PPP2R1B: variants seen among roughly 807,000 people sequenced by gnomAD.
The protein encoded by PPP2R1B is protein phosphatase 2 scaffold subunit Abeta.
Under a neutral mutation model 72.7 loss-of-function variants are expected in PPP2R1B, and 58 were observed. The observed-to-expected ratio is 0.80, with a 90% confidence interval of 0.65 to 0.99. The LOEUF is 0.99. PPP2R1B is among the 50% of genes least tolerant of loss of function. PPP2R1B has a pLI of 0.00. For synonymous variants in PPP2R1B, 256 were observed against 264.6 expected (o/e 0.97, Z 0.32); for missense variants, 695 against 733.6 (o/e 0.95, Z 0.61).
rs1944396888 is a variant in PPP2R1B at position 111,738,208 on chromosome 11, G to A, written c.*3388C>T. ...CAGCTGCTAAACCAGGAGAACACTG[G>A]GCAACAGGGCCTCTCCCTCTACAGT... is the stretch of plus-strand genomic sequence containing the variant. On this transcript the variant is annotated 3_prime_UTR_variant, in exon 15 of 15. Coordinates refer to ENST00000527614, the MANE Select transcript of PPP2R1B (RefSeq NM_002716.5). The A allele has an allele frequency of 2.0e-6, 2 of 985,510 alleles. No homozygotes were observed. The highest frequency in any genetic ancestry group is 1.2e-6 in the Non-Finnish European group (1 of 830,128). The allele number at this position is 985,510 out of a possible 1,614,324, so 61.0% of individuals were successfully genotyped here.
At chr11:111,735,848 CA>C (rs1173781531), downstream of PPP2R1B, among the ~76,000 whole-genome samples, 1 of 152,206 alleles carries the variant, frequency 6.6e-6, no homozygotes, top group East Asian at 1.9e-4. Flanking sequence ...TTTCTGGTTG[CA>C]ATTGGATGAC....
intron 9 of PPP2R1B, among the ~76,000 whole-genome samples, chr11:111,753,197 T>C (rs1300889904): frequency 6.6e-6 from 1 of 152,010 alleles, no homozygotes; most frequent in Admixed American, 6.6e-5. Flanking sequence ...AACCAGGGAG[T>C]ATAAAGCAAA....
At chr11:111,701,308 A>G in the PPP2R1B span, 1 of 1,181,022 alleles carries the variant, frequency 8.5e-7, no homozygotes, top group Non-Finnish European at 1.2e-6. This position sits in a 1 kb window ranked among gnomAD's most constrained non-coding sequence, Gnocchi z 4.2. Context: ...AGGGTTTTGG[A>G]TTTTTTTCAA....
the PPP2R1B span, among the ~76,000 whole-genome samples, chr11:111,689,870 G>A: frequency 6.6e-6 from 1 of 151,850 alleles, no homozygotes; most frequent in Non-Finnish European, 1.5e-5. Context: ...TACAGGATAT[G>A]TAATGGATTT....
chr11:111,691,917 A>G, the PPP2R1B span, among the ~76,000 whole-genome samples: 1 of 152,238 alleles, frequency 6.6e-6, no homozygotes, highest in African/African-American at 2.4e-5. Flanking sequence ...TTAATATAAC[A>G]CAAAAAGATC....
Position 111,755,160 on chromosome 11 carries a change from T to C in PPP2R1B, c.844-66A>G, listed in dbSNP as rs950311253. The C allele has an allele frequency of 3.0e-5, 46 of 1,538,764 alleles. No individual in the cohort carries two copies. The Admixed American group carries it at 4.1e-4, about 14-fold the overall frequency. On this transcript the variant is annotated intron_variant, in intron 6 of 14. Transcript: ENST00000527614. ...AAGAATTAACAAGAACAAAACAAAA[T>C]TGTGCAATCTGTAAATACATATTTT...
chr11:111,754,622 C>T, intron 7 of PPP2R1B, 53 bp from the exon 8 acceptor site: 1 of 1,567,768 alleles, frequency 6.4e-7, no homozygotes, highest in Non-Finnish European at 8.6e-7. Context: ...TTACAAAGAG[C>T]CAAATGAGGA....
the PPP2R1B span, among the ~76,000 whole-genome samples, chr11:111,696,517 G>C: frequency 6.6e-6 from 1 of 152,156 alleles, no homozygotes; most frequent in Admixed American, 6.5e-5. Context: ...ATAATAGCAA[G>C]CAGAATGTCT....
intron 15 of PPP2R1B, among the ~76,000 whole-genome samples, chr11:111,732,298 GAC>G (rs1336434277): frequency 1.1e-4 from 16 of 152,208 alleles, no homozygotes; most frequent in African/African-American, 3.9e-4. Flanking sequence ...CAGAACTTCG[GAC>G]ACAGAATTTC....
chr11:111,695,102 A>G, the PPP2R1B span, among the ~76,000 whole-genome samples: 2 of 152,174 alleles, frequency 1.3e-5, no homozygotes, highest in African/African-American at 4.8e-5. Flanking sequence ...CTTCATCTCT[A>G]TCACTCTCCA....
In PPP2R1B at chr11:111,740,528, T is replaced by C. The variant is rs1380424769; in HGVS notation, c.*1068A>G. 1.5e-5 allele frequency: 15 copies of C among 985,158 alleles called. No individual in the cohort carries two copies. Among genetic ancestry groups the C allele is most frequent in the Non-Finnish European group, 9.6e-6 (8 of 829,778 alleles). The allele number at this position is 985,158 out of a possible 1,614,324, so 61.0% of individuals were successfully genotyped here. ...GTAGTTCAAATAGGCTTCCTCACTA[T>C]TAATTTGCTTCAGTAAACTCTTCAG... On this transcript the variant is annotated 3_prime_UTR_variant, in exon 15 of 15. Transcript: ENST00000527614.
chr11:111,726,037 ACAT>A (rs1236801893), downstream of PPP2R1B: 1 of 152,254 alleles, frequency 6.6e-6, no homozygotes, highest in Non-Finnish European at 1.5e-5. Context: ...GAAATAAAGA[ACAT>A]CATTTCATTT....
chr11:111,727,114 CCGGTGACA>C (rs1292033173), intron 15 of PPP2R1B: 5 of 1,478,316 alleles, frequency 3.4e-6, no homozygotes, highest in Non-Finnish European at 4.7e-6. Flanking sequence ...TTTCACATTC[CCGGTGACA>C]CTGACCGTCC....
chr11:111,755,057 T>A lies in PPP2R1B; in HGVS notation c.881A>T (p.Asp294Val), dbSNP rs1555049180. Residue 294 changes from aspartate to valine, a missense_variant, in exon 7 of 15, where the codon GAC becomes GTC. Physicochemically the swap from Asp to Val is radical, Grantham distance 152. Coordinates refer to ENST00000527614, the MANE Select transcript of PPP2R1B (RefSeq NM_002716.5). ...TAGGTTCTGAAAGGCGGGGATGAGG[T>A]CATTTAGGGTGATTTTAGGACCCAT... ...KAMGPKITLN[D>V]LIPAFQNLLK... The A allele has an allele frequency of 2.5e-6, 4 of 1,613,904 alleles. No individual in the cohort carries two copies. The South Asian group carries it at 3.3e-5, about 13-fold the overall frequency.
Position 111,766,263 on chromosome 11 carries a change from G to A in PPP2R1B, c.99C>T (p.Arg33=). 2 of 1,613,932 alleles carry A rather than the reference G, an allele frequency of 1.2e-6. No homozygotes were observed. The highest frequency in any genetic ancestry group is 1.3e-5 in the African/African-American group (1 of 75,038). ...AGTCCAGTACCTGCACGTCTTCATT[G>A]CGGAGCTCGTCGATTAAAACCGCGA... The part of the protein sequence containing the change: ...YPIAVLIDEL[R]NEDVQLRLNS... The change falls in exon 1 of 15, where the codon CGC becomes CGT. Residue 33 remains arginine (R), a synonymous_variant. Coordinates refer to ENST00000527614, the MANE Select transcript of PPP2R1B (RefSeq NM_002716.5).
At chr11:111,719,776 T>A in the PPP2R1B span, 1 of 1,612,364 alleles carries the variant, frequency 6.2e-7, no homozygotes, top group Non-Finnish European at 8.5e-7. Context: ...GGCGTTTAGG[T>A]CAATGGCTGT....
At chr11:111,705,215 A>G in the PPP2R1B span, 5 of 1,404,502 alleles carry the variant, frequency 3.6e-6, no homozygotes, top group East Asian at 1.1e-4. The surrounding 1 kb of genome is among the most constrained non-coding windows in gnomAD (Gnocchi z 4.3). Flanking sequence ...CATCTTATAC[A>G]CAGGGTTAGG....
the PPP2R1B span, among the ~76,000 whole-genome samples, chr11:111,711,702 A>G: frequency 4.6e-5 from 7 of 152,262 alleles, no homozygotes; most frequent in East Asian, 1.4e-3. Context: ...CCTTACCAAT[A>G]AATATTTACC....
chr11:111,688,353 T>C, the PPP2R1B span, among the ~76,000 whole-genome samples: 2 of 152,226 alleles, frequency 1.3e-5, no homozygotes, highest in African/African-American at 4.8e-5. The surrounding 1 kb of genome is among the most constrained non-coding windows in gnomAD (Gnocchi z 4.2). Flanking sequence ...ATTATTAATA[T>C]ACACAGGTCA....
Sources: allele counts gnomAD v4.1 joint callset (sites outside exome capture counted in the v4.1 genomes callset), GRCh38; gene constraint gnomAD v4.1.1; non-coding constraint Gnocchi (gnomAD v3.1); transcripts MANE v1.5; gene names NCBI Gene and HGNC (gene_info 2026-07-23, HGNC 2026-07-21).